Variants in SGCD observed in about 807,000 individuals in gnomAD.
SGCD encodes the protein delta-sarcoglycan.
Under a neutral mutation model 36.6 loss-of-function variants are expected in SGCD, and 18 were observed. The ratio of observed to expected loss-of-function variants is 0.49; its 90% confidence interval spans 0.34 to 0.73. The LOEUF is 0.73. SGCD is among the 30% of genes least tolerant of loss of function. SGCD has a pLI of 0.01. For synonymous variants in SGCD, 133 were observed against 130.6 expected, an observed-to-expected ratio of 1.02 and a Z score of -0.12; for missense variants, 387 against 346.7, an observed-to-expected ratio of 1.12 and a Z score of -0.92.
At chr5:156,134,692 T>C (rs1762412909) in intron 3 of SGCD, among the ~76,000 whole-genome samples, 1 of 111,560 alleles carries the variant, frequency 9.0e-6, no homozygotes, top group Admixed American at 1.0e-4. Flanking sequence ...ACTGGGCCTG[T>C]CGTGGGGTTG....
chr5:156,477,441 C>T (rs1032731986), intron 3 of SGCD, among the ~76,000 whole-genome samples: 1 of 152,072 alleles, frequency 6.6e-6, no homozygotes, highest in Non-Finnish European at 1.5e-5. Flanking sequence ...AGTCATCTGA[C>T]CAATTTGAGT....
Position 156,669,080 on chromosome 5 carries a change from A to G in SGCD, c.575+21544A>G, listed in dbSNP as rs117851908. Among the ~76,000 whole-genome samples the G allele has an allele frequency of 2.6e-5, 4 of 152,276 alleles. No homozygotes were observed. The East Asian group carries it at 5.8e-4, about 22-fold the overall frequency. ...TCCTGTCAAGGAATGCTAATGGACA[A>G]CTGGTGGTGAAGGCCTCTAGAGAGA... On this transcript the variant is annotated intron_variant, in intron 7 of 8. Coordinates refer to ENST00000337851, the MANE Select transcript of SGCD (RefSeq NM_000337.6).
At chr5:156,150,113 G>T (rs1762798893) in intron 3 of SGCD, among the ~76,000 whole-genome samples, 2 of 152,244 alleles carry the variant, frequency 1.3e-5, no homozygotes, top group South Asian at 4.2e-4. Context: ...AAGGCCAGAG[G>T]CTTTCTTATC....
chr5:155,736,604 G>A, the SGCD span, among the ~76,000 whole-genome samples: 4 of 152,172 alleles, frequency 2.6e-5, no homozygotes, highest in African/African-American at 9.6e-5. Context: ...GTAGGATATT[G>A]TTAATAACTA....
intron 3 of SGCD, among the ~76,000 whole-genome samples, chr5:156,451,684 C>T (rs1351106463): frequency 6.6e-6 from 1 of 152,110 alleles, no homozygotes; most frequent in Non-Finnish European, 1.5e-5. Context: ...TTGCTAAATC[C>T]TTACTCAGTG....
intron 1 of SGCD, among the ~76,000 whole-genome samples, chr5:155,955,307 A>G (rs1757628692): frequency 6.6e-6 from 1 of 152,176 alleles, no homozygotes; most frequent in Non-Finnish European, 1.5e-5. Context: ...TGAATTCAAT[A>G]AATTTGAAGT....
intron 3 of SGCD, among the ~76,000 whole-genome samples, chr5:156,500,480 A>G (rs904136367): frequency 6.6e-6 from 1 of 152,244 alleles, no homozygotes; most frequent in Non-Finnish European, 1.5e-5. Context: ...TTGTTAAAAC[A>G]GGTCTTGGCA....
chr5:156,549,865 G>A (rs190929657), intron 4 of SGCD, among the ~76,000 whole-genome samples: 1 of 152,236 alleles, frequency 6.6e-6, no homozygotes, highest in African/African-American at 2.4e-5. Context: ...AGTAGTCACT[G>A]CCATCAGGAA....
At chr5:156,224,730 C>T (rs933842717) in intron 3 of SGCD, among the ~76,000 whole-genome samples, 5 of 152,126 alleles carry the variant, frequency 3.3e-5, no homozygotes, top group African/African-American at 1.2e-4. Flanking sequence ...CACACAATTT[C>T]TTTTAATCCA....
At chr5:156,448,186 T>G (rs1753829946) in intron 3 of SGCD, among the ~76,000 whole-genome samples, 1 of 152,188 alleles carries the variant, frequency 6.6e-6, no homozygotes, top group Admixed American at 6.5e-5. Context: ...GGCACTACTA[T>G]CATTAGATGG....
intron 3 of SGCD, among the ~76,000 whole-genome samples, chr5:156,424,558 GA>G (rs1351805172): frequency 1.3e-5 from 2 of 152,024 alleles, no homozygotes; most frequent in African/African-American, 4.8e-5. Context: ...GTTTCATTCA[GA>G]GTAATAGCAT....
At chr5:156,754,232 A>G (rs1757257380) in intron 7 of SGCD, among the ~76,000 whole-genome samples, 1 of 152,194 alleles carries the variant, frequency 6.6e-6, no homozygotes, top group African/African-American at 2.4e-5. Context: ...CCTGTCTGAA[A>G]TGCCAGTCCT....
intron 1 of SGCD, among the ~76,000 whole-genome samples, chr5:155,964,933 C>T (rs1398595672): frequency 1.3e-5 from 2 of 152,116 alleles, no homozygotes; most frequent in East Asian, 1.9e-4. Context: ...GTAGATTTAG[C>T]ATTACTCCTG....
the SGCD span, among the ~76,000 whole-genome samples, chr5:155,847,516 T>C: frequency 2.6e-5 from 4 of 152,200 alleles, no homozygotes; most frequent in Non-Finnish European, 4.4e-5. Flanking sequence ...TTCTATACTC[T>C]GGACTTGCCT....
At chr5:156,625,197 A>G (rs972645141) in intron 6 of SGCD, among the ~76,000 whole-genome samples, 1 of 152,148 alleles carries the variant, frequency 6.6e-6, no homozygotes, top group Non-Finnish European at 1.5e-5. Flanking sequence ...ATTTTAGGAC[A>G]TTGGCAGTGT....
At chr5:155,731,050 T>C in the SGCD span, among the ~76,000 whole-genome samples, 4 of 151,888 alleles carry the variant, frequency 2.6e-5, no homozygotes, top group Non-Finnish European at 4.4e-5. Context: ...GGAGATATTA[T>C]GCATTACAGA....
chr5:156,056,659 A>AACAAAAAAC (rs1561699625), intron 1 of SGCD, among the ~76,000 whole-genome samples: 2 of 141,980 alleles, frequency 1.4e-5, no homozygotes, highest in African/African-American at 5.1e-5. Flanking sequence ...AAAAAAAAAA[A>AACAAAAAAC]AAAAAACAGT....
At chr5:156,152,061 T>G (rs1762846425) in intron 3 of SGCD, among the ~76,000 whole-genome samples, 1 of 151,494 alleles carries the variant, frequency 6.6e-6, no homozygotes. Context: ...GATACTTTTT[T>G]GAAAATGGTC....
intron 3 of SGCD, among the ~76,000 whole-genome samples, chr5:156,486,585 A>G (rs1398496775): frequency 6.6e-6 from 1 of 152,096 alleles, no homozygotes. Context: ...ACTGATGTCA[A>G]TGCCTGCATA....
Sources: allele counts gnomAD v4.1 joint callset (sites outside exome capture counted in the v4.1 genomes callset), GRCh38; gene constraint gnomAD v4.1.1; transcripts MANE v1.5; gene names NCBI Gene and HGNC (gene_info 2026-07-23, HGNC 2026-07-21).